The following ZNF599 variants were observed in gnomAD, a reference collection of about 807,000 sequenced individuals.
ZNF599 encodes the protein zinc finger protein 599.
ZNF599 carries 10 observed loss-of-function variants against 11.7 expected under a neutral mutation model. The ratio of observed to expected loss-of-function variants is 0.86; its 90% CI spans 0.53 to 1.45. The LOEUF (loss-of-function observed/expected upper bound fraction) is 1.45, where lower values mean the gene tolerates loss of function less well. Among genes scored for constraint, ZNF599 ranks in the 40% most tolerant of loss-of-function variants. The pLI is 0.00. For synonymous variants in ZNF599, 232 were observed against 253.2 expected, an observed-to-expected ratio of 0.92 and a Z score of 0.79; for missense variants, 688 against 713.6, an observed-to-expected ratio of 0.96 and a Z score of 0.41.
At chr19:34,772,740 G>C in intron 1 of ZNF599, 84 bp downstream of exon 1, 2 of 1,531,360 alleles carry the variant, frequency 1.3e-6, no homozygotes, top group South Asian at 2.4e-5. Flanking sequence ...GAAGCACAGA[G>C]TCCCGGCATC....
the ZNF599 span, among the ~76,000 whole-genome samples, chr19:34,797,461 C>T: frequency 7.3e-3 from 1,104 of 152,052 alleles, 7 homozygotes; most frequent in Admixed American, 0.013. Context: ...TTCTCCACAT[C>T]CTCTCCAGCA....
chr19:34,798,245 G>A, the ZNF599 span, among the ~76,000 whole-genome samples: 1 of 152,164 alleles, frequency 6.6e-6, no homozygotes, highest in African/African-American at 2.4e-5. Context: ...TTAGATAAAT[G>A]CGTTACAATC....
chr19:34,795,564 G>A, the ZNF599 span, among the ~76,000 whole-genome samples: 36 of 152,306 alleles, frequency 2.4e-4, no homozygotes, highest in African/African-American at 8.4e-4. Flanking sequence ...ACAGATGTGA[G>A]CCACTGTGCT....
rs533141339 is a variant in ZNF599 at position 34,758,655 on chromosome 19, T to C, written c.*379A>G. The C allele has an allele frequency of 5.3e-5, 9 of 168,272 alleles. No individual in the cohort carries two copies. Among genetic ancestry groups the C allele is most frequent in the Non-Finnish European group, 1.0e-4 (8 of 78,610 alleles). 10.4% of individuals were successfully genotyped at this position (168,272 alleles called of 1,614,324 possible). A position where few individuals can be genotyped will look rare whatever the true frequency, so the allele number is the denominator to read the frequency against. On this transcript the variant is annotated 3_prime_UTR_variant, in exon 4 of 4. Transcript: ENST00000329285. ...ATGCACATCTTTTTCTTTTATCTTCTAGATTGTTTCCTCCATCTCTCATTA... is the reference window on the plus strand; with the variant it reads ...ATGCACATCTTTTTCTTTTATCTTCCAGATTGTTTCCTCCATCTCTCATTA...
At chr19:34,774,773 T>C (rs559345489), upstream of ZNF599, among the ~76,000 whole-genome samples, 1 of 152,328 alleles carries the variant, frequency 6.6e-6, no homozygotes, top group East Asian at 1.9e-4. Context: ...CTGCATGCAG[T>C]CTCTGACCTC....
At chr19:34,803,827 C>A in the ZNF599 span, among the ~76,000 whole-genome samples, 2 of 152,164 alleles carry the variant, frequency 1.3e-5, no homozygotes. Context: ...GTCCCAAATA[C>A]CAGAGCCCTA....
chr19:34,797,434 T>G, the ZNF599 span, among the ~76,000 whole-genome samples: 4 of 151,878 alleles, frequency 2.6e-5, no homozygotes, highest in Non-Finnish European at 5.9e-5. Context: ...CCACCAACAG[T>G]GTAAAAGTGT....
In ZNF599 at chr19:34,760,526, G is replaced by A. The variant is rs373038144; in HGVS notation, c.275C>T (p.Thr92Ile). ...CTCAGAGAAGGCCAGCTGAGAAGCA[G>A]TAGGCTCTGTAATCTTGGGTTTTGC... is the stretch of plus-strand genomic sequence containing the variant. ...EKAKPKITEP[T>I]ASQLAFSEES... The change falls in exon 4 of 4, where the codon ACT becomes ATT. Residue 92 changes from threonine (T) to isoleucine (I), a missense_variant. Physicochemically the swap from Thr to Ile is moderately conservative, Grantham distance 89. Coordinates refer to ENST00000329285, the MANE Select transcript of ZNF599 (RefSeq NM_001007248.3). 10 of 1,612,698 alleles carry A rather than the reference G, an allele frequency of 6.2e-6. No homozygotes were observed. The highest frequency in any genetic ancestry group is 1.6e-4 in the Middle Eastern group (1 of 6,074).
At chr19:34,762,145 A>G (rs1347474256) in intron 3 of ZNF599, among the ~76,000 whole-genome samples, 2 of 152,172 alleles carry the variant, frequency 1.3e-5, no homozygotes, top group Non-Finnish European at 2.9e-5. Flanking sequence ...TAAACTCAGA[A>G]TTATGGTTGG....
At chr19:34,782,664 T>TC in the ZNF599 span, among the ~76,000 whole-genome samples, 3 of 152,106 alleles carry the variant, frequency 2.0e-5, no homozygotes, top group Admixed American at 2.0e-4. Flanking sequence ...GCTCCAGCTG[T>TC]GAGGACAGAG....
rs114966386 is a variant in ZNF599 at position 34,760,364 on chromosome 19, C to G, written c.437G>C (p.Cys146Ser). Reference sequence around the variant, plus strand: ...ATGTTTATAACTCAACTTCTCAGGGCATATCTCTTTGTGGGGGTTTGTTCC... The same window carrying G: ...ATGTTTATAACTCAACTTCTCAGGGGATATCTCTTTGTGGGGGTTTGTTCC... The part of the protein sequence containing the change: ...RPGTNPHKEI[C>S]PEKLSYKHDD... The change falls in exon 4 of 4, where the codon TGC (cysteine) becomes TCC (serine). Residue 146 changes from cysteine to serine, a missense_variant. Cys to Ser is a moderately radical substitution (Grantham distance 112, BLOSUM62 -1). Transcript: ENST00000329285. 6,066 of 1,614,130 alleles carry G rather than the reference C, an allele frequency of 3.8e-3. 171 individuals carry two copies. In the African/African-American group the frequency reaches 0.062, roughly 17 times the overall value.
At chr19:34,787,309 A>G in the ZNF599 span, among the ~76,000 whole-genome samples, 1 of 151,998 alleles carries the variant, frequency 6.6e-6, no homozygotes, top group African/African-American at 2.4e-5. Context: ...GGCAAACGAA[A>G]TGTCCCTTTT....
chr19:34,759,156 C>G lies in ZNF599; in HGVS notation c.1645G>C (p.Ala549Pro). ...ECEKAFCDNF[A>P]LTQHMRTHTG... ...TGAGTTCTCATGTGCTGAGTTAAAGCAAAGTTGTCACAGAAGGCTTTCTCA... is the reference window on the plus strand; with the variant it reads ...TGAGTTCTCATGTGCTGAGTTAAAGGAAAGTTGTCACAGAAGGCTTTCTCA... Residue 549 changes from alanine to proline, a missense_variant, in exon 4 of 4, where the codon GCT (alanine) becomes CCT (proline). Ala to Pro is a conservative substitution (Grantham distance 27). Transcript: ENST00000329285. 1 of 1,613,118 alleles carries G rather than the reference C, an allele frequency of 6.2e-7. No individual in the cohort carries two copies. Among genetic ancestry groups the G allele is most frequent in the East Asian group, 2.2e-5 (1 of 44,726 alleles).
chr19:34,790,691 C>A, the ZNF599 span, among the ~76,000 whole-genome samples: 1 of 151,974 alleles, frequency 6.6e-6, no homozygotes, highest in African/African-American at 2.4e-5. Context: ...ATCTATTGCA[C>A]AGAACTGTGA....
At chr19:34,796,555 C>T in the ZNF599 span, among the ~76,000 whole-genome samples, 1 of 152,166 alleles carries the variant, frequency 6.6e-6, no homozygotes. Flanking sequence ...AAGCGATCTG[C>T]CTGCTTCAGC....
At chr19:34,768,578 T>A (rs1284618700) in intron 2 of ZNF599, among the ~76,000 whole-genome samples, 1 of 152,246 alleles carries the variant, frequency 6.6e-6, no homozygotes, top group Non-Finnish European at 1.5e-5. Context: ...AACAAACACA[T>A]GCAGAACACT....
the ZNF599 span, among the ~76,000 whole-genome samples, chr19:34,790,449 A>G: frequency 1.3e-5 from 2 of 152,232 alleles, no homozygotes; most frequent in African/African-American, 4.8e-5. Context: ...AAGGGGGGAA[A>G]TTCTGTCATT....
the ZNF599 span, among the ~76,000 whole-genome samples, chr19:34,781,934 C>T: frequency 3.3e-5 from 5 of 151,988 alleles, no homozygotes; most frequent in Non-Finnish European, 1.5e-5. Flanking sequence ...AGCCTGGGGC[C>T]CAGTGTCAGA....
chr19:34,788,571 A>C, the ZNF599 span: 1 of 152,224 alleles, frequency 6.6e-6, no homozygotes, highest in Non-Finnish European at 1.5e-5. Context: ...AACCTGCATA[A>C]AATGAAATTC....
Sources: allele counts gnomAD v4.1 joint callset (sites outside exome capture counted in the v4.1 genomes callset), GRCh38; gene constraint gnomAD v4.1.1; transcripts MANE v1.5; gene names NCBI Gene and HGNC (gene_info 2026-07-23, HGNC 2026-07-21).